The following MED13L variants were observed in gnomAD, a reference collection of about 807,000 sequenced individuals.
MED13L encodes the protein mediator complex subunit 13L.
In MED13L, 7 loss-of-function variants were observed where a neutral mutation model predicts 220.9. That is an observed-to-expected ratio of 0.03 (90% confidence interval 0.02 to 0.06). The LOEUF (loss-of-function observed/expected upper bound fraction) is 0.06. Among genes scored for constraint, MED13L ranks in the 10% least tolerant of loss-of-function variants. The probability of loss-of-function intolerance (pLI) is 1.00; values close to 1 mark genes in which losing one functional copy is unlikely to be tolerated. For synonymous variants in MED13L, 1,011 were observed against 1,015.2 expected (o/e 1.00, Z 0.08); for missense variants, 1,965 against 2,760.5 (o/e 0.71, Z 6.46).
intron 16 of MED13L, among the ~76,000 whole-genome samples, chr12:115,992,601 G>A (rs1189156334): frequency 6.6e-6 from 1 of 152,198 alleles, no homozygotes; most frequent in African/African-American, 2.4e-5. Flanking sequence ...CCATTTACCA[G>A]TACTATACTA....
Position 115,983,302 on chromosome 12 carries a change from A to G in MED13L, c.4770T>C (p.Ser1590=). ...TCTGGCTAATACCAGGAGCAGAGGCAGACGATGAGACCGGTGGCACAGAGG... is the reference window on the plus strand; with the variant it reads ...TCTGGCTAATACCAGGAGCAGAGGCGGACGATGAGACCGGTGGCACAGAGG... ...SGSSVPPVSS[S]ASAPGISQIS... The change falls in exon 21 of 31, where the codon TCT becomes TCC. Residue 1590 remains serine (S), a synonymous_variant. Transcript: ENST00000281928. 6.2e-7 allele frequency: 1 copy of G among 1,614,234 alleles called. No individual in the cohort carries two copies. Among genetic ancestry groups the G allele is most frequent in the Non-Finnish European group, 8.5e-7 (1 of 1,180,036 alleles).
At chr12:115,961,842 A>G (rs1302928010) in intron 30 of MED13L, among the ~76,000 whole-genome samples, 1 of 152,076 alleles carries the variant, frequency 6.6e-6, no homozygotes, top group Non-Finnish European at 1.5e-5. Context: ...GTGGTGGTGC[A>G]TGCCTGTAAT....
At chr12:116,203,692 C>T (rs928651915) in intron 2 of MED13L, among the ~76,000 whole-genome samples, 16 of 151,706 alleles carry the variant, frequency 1.1e-4, no homozygotes, top group Admixed American at 6.6e-4. Context: ...TGGTGGCAGG[C>T]GCCTGTAGTC....
intron 3 of MED13L, among the ~76,000 whole-genome samples, chr12:116,098,010 C>T (rs1007696241): frequency 1.3e-5 from 2 of 152,110 alleles, no homozygotes; most frequent in African/African-American, 4.8e-5. Context: ...TTTGGGAAGC[C>T]GAGGCGGGCA....
chr12:116,093,595 C>A (rs1395002640), intron 4 of MED13L, among the ~76,000 whole-genome samples: 1 of 151,676 alleles, frequency 6.6e-6, no homozygotes, highest in Admixed American at 6.6e-5. Context: ...TATTTTTTCA[C>A]CATGATTAGA....
intron 4 of MED13L, among the ~76,000 whole-genome samples, chr12:116,096,101 C>T (rs947837072): frequency 6.6e-6 from 1 of 151,826 alleles, no homozygotes. Flanking sequence ...CACCTATAAT[C>T]CCAGCAGTTT....
intron 4 of MED13L, among the ~76,000 whole-genome samples, chr12:116,056,861 A>G (rs1356645810): frequency 1.3e-5 from 2 of 152,246 alleles, no homozygotes; most frequent in Admixed American, 6.5e-5. Context: ...GATAAAAGAT[A>G]AATTTTGCTG....
intron 4 of MED13L, among the ~76,000 whole-genome samples, chr12:116,077,992 AC>A (rs1164149932): frequency 1.3e-5 from 2 of 151,938 alleles, no homozygotes; most frequent in Non-Finnish European, 2.9e-5. Context: ...AAAATACAAA[AC>A]ATTAGCCGGG....
At chr12:116,266,949 G>T (rs922558371) in intron 1 of MED13L, among the ~76,000 whole-genome samples, 1 of 152,144 alleles carries the variant, frequency 6.6e-6, no homozygotes, top group African/African-American at 2.4e-5. Flanking sequence ...AGTTCTCTCT[G>T]TTCAAAACAC....
At position 116,277,560 on chromosome 12, in the gene MED13L, G is replaced by A. The variant is rs1368422693; in HGVS notation, c.-429C>T. On this transcript the variant is annotated 5_prime_UTR_variant, in exon 1 of 31. Transcript: ENST00000281928. ...GGAGCGCGAACTCGCGAAGGGGGGGGTGCGGACGAAGCCAGCGGGCGACCC... is the reference window on the plus strand; with the variant it reads ...GGAGCGCGAACTCGCGAAGGGGGGGATGCGGACGAAGCCAGCGGGCGACCC... Among the ~76,000 whole-genome samples, 11 of 149,602 alleles carry A rather than the reference G, an allele frequency of 7.4e-5. No homozygotes were observed. The highest frequency in any genetic ancestry group is 2.6e-4 in the Admixed American group (4 of 15,098).
At chr12:116,115,621 T>C (rs1187227614) in intron 2 of MED13L, among the ~76,000 whole-genome samples, 1 of 151,866 alleles carries the variant, frequency 6.6e-6, no homozygotes, top group Non-Finnish European at 1.5e-5. Flanking sequence ...CAAGGACTTG[T>C]ATTCAGAATA....
intron 2 of MED13L, among the ~76,000 whole-genome samples, chr12:116,129,812 G>A (rs1009696963): frequency 6.6e-6 from 1 of 152,030 alleles, no homozygotes. Flanking sequence ...TGGAGGCTGA[G>A]GCAGGAGAAT....
chr12:116,207,081 G>T (rs11611787), intron 2 of MED13L, among the ~76,000 whole-genome samples: 22,304 of 151,730 alleles, frequency 0.15, 1,892 homozygotes, highest in Middle Eastern at 0.23. Flanking sequence ...CCGCCATGAT[G>T]ACGTTTCAGT....
At chr12:116,060,414 T>C (rs1458632682) in intron 4 of MED13L, among the ~76,000 whole-genome samples, 1 of 151,416 alleles carries the variant, frequency 6.6e-6, no homozygotes, top group Admixed American at 6.6e-5. Flanking sequence ...CCCGTCTCTA[T>C]TAACATACAA....
intron 4 of MED13L, among the ~76,000 whole-genome samples, chr12:116,047,514 G>C (rs1042253436): frequency 6.6e-6 from 1 of 152,090 alleles, no homozygotes; most frequent in Non-Finnish European, 1.5e-5. Context: ...ATGATTCCAA[G>C]TGACATGTTC....
At chr12:116,124,152 C>CAGAGACAGAGAGAGACAGAGAGAGAG (rs1875365523) in intron 2 of MED13L, among the ~76,000 whole-genome samples, 1 of 108,692 alleles carries the variant, frequency 9.2e-6, no homozygotes, top group Non-Finnish European at 2.1e-5. Context: ...GAGAGAGAGA[C>CAGAGACAGAGAGAGACAGAGAGAGAG]AGAGACAGAG....
At chr12:115,977,928 C>A (rs573505031) in intron 23 of MED13L, among the ~76,000 whole-genome samples, 6 of 151,936 alleles carry the variant, frequency 3.9e-5, no homozygotes, top group Non-Finnish European at 7.4e-5. Flanking sequence ...CCAGGGAGGT[C>A]GAAGCTGCAA....
chr12:115,991,209 T>C lies in MED13L; in HGVS notation c.3745A>G (p.Asn1249Asp). ...SLNFLDYISS[N>D]NRQTLPCVSW... ...ACACAGGGAAGAGTTTGGCGATTGT[T>C]AGAGGAAATGTAGTCCAGGAAATTC... The change falls in exon 17 of 31, where the codon AAC (asparagine) becomes GAC (aspartate). Residue 1249 changes from asparagine to aspartate, a missense_variant. This residue lies in a region of MED13L where 165 missense variants were observed against 190.8 expected (regional missense o/e 0.86). Transcript: ENST00000281928. The surrounding 1 kb of genome is among the most constrained non-coding windows in gnomAD (Gnocchi z 7.7). 3 of 1,614,188 alleles carry C rather than the reference T, an allele frequency of 1.9e-6. No homozygotes were observed. Among genetic ancestry groups the C allele is most frequent in the African/African-American group, 2.7e-5 (2 of 75,036 alleles).
intron 30 of MED13L, 119 bp downstream of exon 30, chr12:115,963,288 T>A (rs760767970): frequency 1.3e-6 from 1 of 799,206 alleles, no homozygotes; most frequent in Non-Finnish European, 2.2e-6. Flanking sequence ...AGATACTGTA[T>A]CACTGCACAA....
Sources: gnomAD v4.1 joint callset for allele counts (sites outside exome capture counted in the v4.1 genomes callset) on GRCh38, gnomAD v4.1.1 for gene constraint, gnomAD v4.1.1 regional missense constraint, Gnocchi (gnomAD v3.1) non-coding constraint, MANE v1.5 for transcripts, NCBI Gene and HGNC (gene_info 2026-07-23, HGNC 2026-07-21) for gene names.